Variants in PDE4D observed in about 807,000 individuals in gnomAD.
The protein encoded by PDE4D is phosphodiesterase 4D.
Under a neutral mutation model 87.4 loss-of-function variants are expected in PDE4D, and 24 were observed. The ratio of observed to expected loss-of-function variants is 0.27; its 90% CI spans 0.20 to 0.39. PDE4D has a LOEUF of 0.39. Ranked by LOEUF, PDE4D falls within the 10% of genes least tolerant of loss-of-function variation. The pLI is 1.00. For missense variants in PDE4D, 714 were observed against 1,041.0 expected, an observed-to-expected ratio of 0.69 and a Z score of 4.32; for synonymous variants, 384 against 383.2, an observed-to-expected ratio of 1.00 and a Z score of -0.02.
chr5:60,182,078 T>C (rs1040820097), intron 2 of PDE4D, among the ~76,000 whole-genome samples: 3 of 152,172 alleles, frequency 2.0e-5, no homozygotes, highest in Non-Finnish European at 4.4e-5. Flanking sequence ...AGTAAATCCA[T>C]TGATAGGACA....
chr5:59,218,151 T>G (rs1350983639), intron 1 of PDE4D: 1 of 287,740 alleles, frequency 3.5e-6, no homozygotes, highest in Admixed American at 4.6e-5. Context: ...CTTTTCAGCA[T>G]GAGGAGGACC....
At chr5:60,151,799 G>C (rs139793205) in intron 2 of PDE4D, among the ~76,000 whole-genome samples, 295 of 152,266 alleles carry the variant, frequency 1.9e-3, no homozygotes, top group African/African-American at 6.8e-3. Context: ...TGGCAAAAAT[G>C]GATGTCCTTG....
chr5:58,972,882 T>A lies in PDE4D; in HGVS notation c.*1782A>T, dbSNP rs981332595. 1.3e-5 allele frequency: 2 copies of A among 151,956 alleles called. No individual in the cohort carries two copies. Among genetic ancestry groups the A allele is most frequent in the African/African-American group, 2.4e-5 (1 of 41,378 alleles). 9.4% of individuals were successfully genotyped at this position (151,956 alleles called of 1,614,324 possible). A position where few individuals can be genotyped will look rare whatever the true frequency, so the allele number is the denominator to read the frequency against. ...TATTTAACCAGAATTTTTACCAATA[T>A]AATAAATATTTTAGGATGCATCACA... On this transcript the variant is annotated 3_prime_UTR_variant, in exon 15 of 15. Transcript: ENST00000340635.
intron 1 of PDE4D, among the ~76,000 whole-genome samples, chr5:59,285,747 C>T (rs1022779192): frequency 6.6e-6 from 1 of 152,132 alleles, no homozygotes; most frequent in African/African-American, 2.4e-5. Context: ...AAGCTCAATT[C>T]AAAGAAATAA....
intron 6 of PDE4D, among the ~76,000 whole-genome samples, chr5:59,018,881 G>A (rs114733632): frequency 6.6e-6 from 1 of 151,272 alleles, no homozygotes; most frequent in Non-Finnish European, 1.5e-5. Flanking sequence ...TTTCACAGAT[G>A]AGCCTTAAGG....
chr5:60,371,898 G>A (rs1761059157), intron 1 of PDE4D, among the ~76,000 whole-genome samples: 1 of 152,140 alleles, frequency 6.6e-6, no homozygotes, highest in Non-Finnish European at 1.5e-5. Flanking sequence ...TTAGTGAGTT[G>A]TTTGCATTTT....
chr5:59,774,689 CTTT>C (rs71604800), intron 1 of PDE4D, among the ~76,000 whole-genome samples: 5 of 132,406 alleles, frequency 3.8e-5, no homozygotes, highest in African/African-American at 1.4e-4. Context: ...TTTCTTTTTT[CTTT>C]TTTTTTTTTT....
At chr5:59,195,412 A>G (rs1745252147) in intron 2 of PDE4D, among the ~76,000 whole-genome samples, 4 of 152,226 alleles carry the variant, frequency 2.6e-5, no homozygotes, top group Non-Finnish European at 4.4e-5. Context: ...GAAGCCAAGG[A>G]GGCAGAGCAG....
intron 5 of PDE4D, among the ~76,000 whole-genome samples, chr5:59,159,990 A>T (rs1398795069): frequency 3.9e-5 from 6 of 152,230 alleles, no homozygotes; most frequent in Admixed American, 6.5e-5. Flanking sequence ...GCATTTGTGA[A>T]TGACAGGGAA....
chr5:60,366,264 A>G (rs567868753), intron 1 of PDE4D, among the ~76,000 whole-genome samples: 28 of 151,946 alleles, frequency 1.8e-4, no homozygotes, highest in African/African-American at 6.8e-4. Context: ...GGGTTTTTAT[A>G]TCTAAGCTAA....
chr5:58,998,770 G>A (rs1749802717), intron 6 of PDE4D, among the ~76,000 whole-genome samples: 2 of 152,148 alleles, frequency 1.3e-5, no homozygotes, highest in Admixed American at 1.3e-4. Flanking sequence ...CCAAAAATCT[G>A]TGAAGTGATG....
chr5:59,871,725 G>A (rs1747843598), intron 1 of PDE4D, among the ~76,000 whole-genome samples: 1 of 152,040 alleles, frequency 6.6e-6, no homozygotes, highest in Admixed American at 6.6e-5. Context: ...AAGCCAACTT[G>A]TTTTCATTAC....
At chr5:59,736,271 G>C (rs2150638073) in intron 1 of PDE4D, among the ~76,000 whole-genome samples, 1 of 152,214 alleles carries the variant, frequency 6.6e-6, no homozygotes, top group African/African-American at 2.4e-5. Context: ...TATTGAGATA[G>C]TATTTTATAC....
intron 2 of PDE4D, among the ~76,000 whole-genome samples, chr5:60,028,329 G>A (rs1766864427): frequency 6.6e-6 from 1 of 151,992 alleles, no homozygotes; most frequent in Non-Finnish European, 1.5e-5. Context: ...TGAGTAATGG[G>A]TGCCCCCAAA....
chr5:59,203,587 A>C (rs1255957112), intron 2 of PDE4D, among the ~76,000 whole-genome samples: 2 of 152,070 alleles, frequency 1.3e-5, no homozygotes, highest in Non-Finnish European at 2.9e-5. Context: ...GAATCAACTT[A>C]AGTGTCTAAC....
At position 60,079,008 on chromosome 5, in the gene PDE4D, G is replaced by A. The variant is rs187057519; in HGVS notation, c.43-90291C>T. Among the ~76,000 whole-genome samples the A allele has an allele frequency of 5.4e-4, 82 of 152,280 alleles. 1 individual carries two copies. The highest frequency in any genetic ancestry group is 1.9e-3 in the African/African-American group (78 of 41,564). ...ACTAATTTACATTTCCACCAACAAT[G>A]TAAAAGCATTCCTATTTCTCCACAA... On this transcript the variant is annotated intron_variant, in intron 2 of 16. Coordinates refer to the PDE4D transcript ENST00000502484.
At chr5:59,471,563 A>G (rs1802451273) in intron 1 of PDE4D, among the ~76,000 whole-genome samples, 1 of 152,244 alleles carries the variant, frequency 6.6e-6, no homozygotes, top group Admixed American at 6.5e-5. Context: ...CAGCACAAAT[A>G]GCTTTATAGC....
intron 1 of PDE4D, among the ~76,000 whole-genome samples, chr5:59,254,428 G>A (rs1323844133): frequency 6.6e-6 from 1 of 151,890 alleles, no homozygotes; most frequent in Non-Finnish European, 1.5e-5. Flanking sequence ...CTTAAAGATA[G>A]AAAAGCAGTC....
chr5:59,569,515 T>C (rs1821475202), intron 1 of PDE4D, among the ~76,000 whole-genome samples: 4 of 152,198 alleles, frequency 2.6e-5, no homozygotes, highest in Admixed American at 2.6e-4. Flanking sequence ...ACTTATGATT[T>C]TTTATCATTG....
Sources: allele counts gnomAD v4.1 joint callset (sites outside exome capture counted in the v4.1 genomes callset), GRCh38; gene constraint gnomAD v4.1.1; transcripts MANE v1.5; gene names NCBI Gene and HGNC (gene_info 2026-07-23, HGNC 2026-07-21).